BUB3: variants seen among roughly 807,000 people sequenced by gnomAD.
BUB3 encodes BUB3 mitotic checkpoint protein.
BUB3 carries 22 observed loss-of-function variants against 39.9 expected under a neutral mutation model. The observed-to-expected ratio is 0.55, with a 90% CI of 0.39 to 0.79. The LOEUF (loss-of-function observed/expected upper bound fraction) is 0.79, where lower values mean the gene tolerates loss of function less well. Among genes scored for constraint, BUB3 ranks in the 30% least tolerant of loss-of-function variants. The pLI, the probability that BUB3 is intolerant of heterozygous loss-of-function variation, is 0.00. For synonymous variants in BUB3, 168 were observed against 155.1 expected (o/e 1.08, Z -0.62); for missense variants, 303 against 415.4 (o/e 0.73, Z 2.35).
In BUB3 at chr10:123,165,390, A is replaced by G. The variant is rs1844477206; in HGVS notation, c.*1555A>G. On this transcript the variant is annotated 3_prime_UTR_variant, in exon 8 of 8. Coordinates refer to ENST00000368865, the MANE Select transcript of BUB3 (RefSeq NM_004725.4). The stretch of plus-strand genomic sequence containing the variant: ...ATGTTGGATGTTTTTGAATGTTGGT[A>G]ATTAATATAATTTACTTAAAAAGGC... 1 of 225,346 alleles carries G rather than the reference A, an allele frequency of 4.4e-6. No homozygotes were observed. Among genetic ancestry groups the G allele is most frequent in the African/African-American group, 2.3e-5 (1 of 44,182 alleles). 14.0% of individuals were successfully genotyped at this position (225,346 alleles called of 1,614,324 possible). A position where few individuals can be genotyped will look rare whatever the true frequency, so the allele number is the denominator to read the frequency against.
chr10:123,155,025 C>T lies in BUB3; in HGVS notation c.108C>T (p.Asp36=). ...TSQFLLVSSW[D]TSVRLYDVPA... The stretch of plus-strand genomic sequence containing the variant: ...AGTTCCTGCTTGTCTCCTCCTGGGA[C>T]ACGTCCGTGCGTCTCTACGATGTGC... The change falls in exon 2 of 8, where the codon GAC becomes GAT. Residue 36 remains aspartate, a synonymous_variant. Coordinates refer to ENST00000368865, the MANE Select transcript of BUB3 (RefSeq NM_004725.4). 6.2e-7 allele frequency: 1 copy of T among 1,614,204 alleles called. No homozygotes were observed. Among genetic ancestry groups the T allele is most frequent in the Non-Finnish European group, 8.5e-7 (1 of 1,180,036 alleles).
In BUB3 at chr10:123,165,017, A is replaced by G; in HGVS notation, c.*1182A>G. On this transcript the variant is annotated 3_prime_UTR_variant, in exon 8 of 8. Transcript: ENST00000368865. ...GAAAACTTGGTGTAAGTCTGAACCCATCTTTTGAAATGTATTTTCTTCATT... is the reference window on the plus strand; with the variant it reads ...GAAAACTTGGTGTAAGTCTGAACCCGTCTTTTGAAATGTATTTTCTTCATT... 2 of 1,612,066 alleles carry G rather than the reference A, an allele frequency of 1.2e-6. No individual in the cohort carries two copies. The highest frequency in any genetic ancestry group is 1.1e-5 in the South Asian group (1 of 90,888).
At position 123,166,832 on chromosome 10, in the gene BUB3, T is replaced by G. The variant is rs1292610612; in HGVS notation, c.*2997T>G. On this transcript the variant is annotated 3_prime_UTR_variant, in exon 8 of 8. Coordinates refer to ENST00000368865, the MANE Select transcript of BUB3 (RefSeq NM_004725.4). ...GTTCTGTTGTGTAAAAACTTAAAGG[T>G]ATATTAGCAGGTTAGCCTTTGTTCT... The G allele has an allele frequency of 6.6e-6, 1 of 152,208 alleles. No individual in the cohort carries two copies. The highest frequency in any genetic ancestry group is 1.5e-5 in the Non-Finnish European group (1 of 68,036). 9.4% of individuals were successfully genotyped at this position (152,208 alleles called of 1,614,324 possible). A position where few individuals can be genotyped will look rare whatever the true frequency, so the allele number is the denominator to read the frequency against.
intron 3 of BUB3, 75 bp from the exon 4 acceptor site, chr10:123,157,654 T>C: frequency 6.9e-7 from 1 of 1,447,906 alleles, no homozygotes; most frequent in Non-Finnish European, 9.2e-7. Context: ...TTCTTTTAAT[T>C]GTTTATTTTA....
Position 123,155,738 on chromosome 10 carries a change from C to T in BUB3, c.265+11C>T, listed in dbSNP as rs1844341398. 1.2e-6 allele frequency: 2 copies of T among 1,611,512 alleles called. No individual in the cohort carries two copies. Among genetic ancestry groups the T allele is most frequent in the Non-Finnish European group, 1.7e-6 (2 of 1,177,694 alleles). Reference sequence around the variant, plus strand: ...TGAACACTGATCAAGGTAATGTGACCATATCTTTACCAGTTTGTTTTCTTG... The same window carrying T: ...TGAACACTGATCAAGGTAATGTGACTATATCTTTACCAGTTTGTTTTCTTG... On this transcript the variant is annotated intron_variant, in intron 3 of 7. Coordinates refer to ENST00000368865, the MANE Select transcript of BUB3 (RefSeq NM_004725.4).
chr10:123,163,595 A>T (rs1844451843), intron 7 of BUB3, among the ~76,000 whole-genome samples: 1 of 152,258 alleles, frequency 6.6e-6, no homozygotes, highest in South Asian at 2.1e-4. Flanking sequence ...GCTGAGTTAA[A>T]ATGGATATGG....
At chr10:123,154,619 C>T (rs777398535) in intron 1 of BUB3, 134 bp downstream of exon 1, 2 of 325,908 alleles carry the variant, frequency 6.1e-6, no homozygotes, top group South Asian at 7.0e-5. Context: ...TAGGAGTGCC[C>T]GGGGCGACGG....
Position 123,162,260 on chromosome 10 carries a change from G to T in BUB3, c.601G>T (p.Gly201Cys), listed in dbSNP as rs1844434079. ...KQGYVLSSIE[G>C]RVAVEYLDPS... ...GGGTTATGTATTAAGCTCTATTGAA[G>T]GCCGAGTGGCAGTTGAGTATTTGGA... Residue 201 changes from glycine (G) to cysteine (C), a missense_variant, in exon 6 of 8, where the codon GGC (glycine) becomes TGC (cysteine). Physicochemically the swap from Gly to Cys is radical, Grantham distance 159. Coordinates refer to ENST00000368865, the MANE Select transcript of BUB3 (RefSeq NM_004725.4). 1 of 1,613,910 alleles carries T rather than the reference G, an allele frequency of 6.2e-7. No homozygotes were observed. Among genetic ancestry groups the T allele is most frequent in the Admixed American group, 1.7e-5 (1 of 59,980 alleles).
intron 4 of BUB3, among the ~76,000 whole-genome samples, chr10:123,159,196 C>T (rs1459948891): frequency 2.0e-5 from 3 of 151,650 alleles, no homozygotes; most frequent in African/African-American, 7.3e-5. Context: ...CTTATTTTTC[C>T]CTTGGTCACA....
At position 123,166,672 on chromosome 10, in the gene BUB3, G is replaced by A. The variant is rs142679037; in HGVS notation, c.*2837G>A. Reference sequence around the variant, plus strand: ...CCCTTCAGTGATTTCATAAGGAGGTGTGCTGCTTCCCAAGCTTCTAGATCA... The same window carrying A: ...CCCTTCAGTGATTTCATAAGGAGGTATGCTGCTTCCCAAGCTTCTAGATCA... On this transcript the variant is annotated 3_prime_UTR_variant, in exon 8 of 8. Transcript: ENST00000368865. 2.0e-3 allele frequency: 305 copies of A among 152,300 alleles called. No homozygotes were observed. Among genetic ancestry groups the A allele is most frequent in the African/African-American group, 7.1e-3 (295 of 41,556 alleles). 9.4% of individuals were successfully genotyped at this position (152,300 alleles called of 1,614,324 possible). A position where few individuals can be genotyped will look rare whatever the true frequency, so the allele number is the denominator to read the frequency against.
rs746320970 is a variant in BUB3 at position 123,164,109 on chromosome 10, TTGA to T, written c.*279_*281del. ...GCAGTTTTGAGAATCAGTTTTGACC[TTGA>T]TGATTTTTTGTTTCCACTGTGGAAA... On this transcript the variant is annotated 3_prime_UTR_variant, in exon 8 of 8. Transcript: ENST00000368865. 13 of 1,132,606 alleles carry T rather than the reference TTGA, an allele frequency of 1.1e-5. No homozygotes were observed. The highest frequency in any genetic ancestry group is 1.4e-5 in the Non-Finnish European group (13 of 926,346). 70.2% of individuals were successfully genotyped at this position (1,132,606 alleles called of 1,614,324 possible).
At position 123,170,118 on chromosome 10, in the gene BUB3, A is replaced by G. The variant is rs1423343517; in HGVS notation, c.*6283A>G. 2 of 152,204 alleles carry G rather than the reference A, an allele frequency of 1.3e-5. No homozygotes were observed. Among genetic ancestry groups the G allele is most frequent in the African/African-American group, 2.4e-5 (1 of 41,448 alleles). The allele number at this position is 152,204 out of a possible 1,614,324, so 9.4% of individuals were successfully genotyped here. A position where few individuals can be genotyped will look rare whatever the true frequency, so the allele number is the denominator to read the frequency against. The stretch of plus-strand genomic sequence containing the variant: ...CATCTGTAAAATGAAGAGAATACCT[A>G]GCTCATGGAGTTAGGAACAAGTATG... On this transcript the variant is annotated 3_prime_UTR_variant, in exon 8 of 8. Coordinates refer to ENST00000368865, the MANE Select transcript of BUB3 (RefSeq NM_004725.4).
Position 123,160,546 on chromosome 10 carries a change from G to A in BUB3, c.557G>A (p.Arg186Gln). The change falls in exon 5 of 8, where the codon CGA (arginine) becomes CAA (glutamine). Residue 186 changes from arginine to glutamine, a missense_variant. Coordinates refer to ENST00000368865, the MANE Select transcript of BUB3 (RefSeq NM_004725.4). ...CTGAAATACCAGACTCGCTGCATAC[G>A]AGCGTTTCCAAACAAGCAGGTATTG... ...SSLKYQTRCI[R>Q]AFPNKQGYVL... is the part of the protein sequence containing the mutation. 3 of 1,602,104 alleles carry A rather than the reference G, an allele frequency of 1.9e-6. No homozygotes were observed. Among genetic ancestry groups the A allele is most frequent in the Non-Finnish European group, 1.7e-6 (2 of 1,176,484 alleles).
Position 123,162,417 on chromosome 10 carries a change from A to G in BUB3, c.754+4A>G. On this transcript the variant is annotated splice_donor_region_variant and intron_variant, in intron 6 of 7. Transcript: ENST00000368865. The stretch of plus-strand genomic sequence containing the variant: ...ATCCACAATACATTTGCCACAGGTA[A>G]AGTATGGCATGCTGACCTATATTTA... 10 of 1,613,012 alleles carry G rather than the reference A, an allele frequency of 6.2e-6. No homozygotes were observed. The highest frequency in any genetic ancestry group is 8.5e-6 in the Non-Finnish European group (10 of 1,179,412).
Position 123,164,475 on chromosome 10 carries a change from A to T in BUB3, c.*640A>T. 1.0e-6 allele frequency: 1 copy of T among 985,694 alleles called. No homozygotes were observed. Among genetic ancestry groups the T allele is most frequent in the African/African-American group, 1.7e-5 (1 of 57,370 alleles). 61.1% of individuals were successfully genotyped at this position (985,694 alleles called of 1,614,324 possible). A position where few individuals can be genotyped will look rare whatever the true frequency, so the allele number is the denominator to read the frequency against. On this transcript the variant is annotated 3_prime_UTR_variant, in exon 8 of 8. Coordinates refer to ENST00000368865, the MANE Select transcript of BUB3 (RefSeq NM_004725.4). The stretch of plus-strand genomic sequence containing the variant: ...CCTCCTAATATCATTTTGTGACTGT[A>T]AACAATTATTTATTAGCAAACAATT...
chr10:123,160,057 A>AT (rs952868695), intron 4 of BUB3, among the ~76,000 whole-genome samples: 12 of 151,732 alleles, frequency 7.9e-5, no homozygotes, highest in East Asian at 1.9e-4. Context: ...TCATTTTTGA[A>AT]TTTTTTTTTA....
In BUB3 at chr10:123,163,850, C is replaced by G. The variant is rs1844454391; in HGVS notation, c.*15C>G. On this transcript the variant is annotated 3_prime_UTR_variant, in exon 8 of 8. Transcript: ENST00000368865. ...CATGTACTTGACAAGATTTCATTTA[C>G]TTAAGTGCCATGTTGATGATAATAA... 1.2e-6 allele frequency: 2 copies of G among 1,604,658 alleles called. No individual in the cohort carries two copies. Among genetic ancestry groups the G allele is most frequent in the African/African-American group, 2.7e-5 (2 of 74,536 alleles).
chr10:123,164,011 A>G lies in BUB3; in HGVS notation c.*176A>G, dbSNP rs1274730525. 6.8e-6 allele frequency: 9 copies of G among 1,321,616 alleles called. No individual in the cohort carries two copies. In the East Asian group the frequency reaches 2.7e-4, roughly 40 times the overall value. The allele number at this position is 1,321,616 out of a possible 1,614,324, so 81.9% of individuals were successfully genotyped here. On this transcript the variant is annotated 3_prime_UTR_variant, in exon 8 of 8. Coordinates refer to ENST00000368865, the MANE Select transcript of BUB3 (RefSeq NM_004725.4). ...TTTTTTTTTAAATAAACACCTTCTTAAGTGCATGAGATGGTTTGATGGTTT... is the reference window on the plus strand; with the variant it reads ...TTTTTTTTTAAATAAACACCTTCTTGAGTGCATGAGATGGTTTGATGGTTT...
Position 123,166,909 on chromosome 10 carries a change from G to A in BUB3, c.*3074G>A, listed in dbSNP as rs1187617482. 6.6e-6 allele frequency: 1 copy of A among 152,194 alleles called. No homozygotes were observed. Among genetic ancestry groups the A allele is most frequent in the Non-Finnish European group, 1.5e-5 (1 of 68,046 alleles). The allele number at this position is 152,194 out of a possible 1,614,324, so 9.4% of individuals were successfully genotyped here. ...GACCAAGGCCAGAATGCCCAGTTTA[G>A]CCTTAGCATTCAAACCCTTCATTGT... On this transcript the variant is annotated 3_prime_UTR_variant, in exon 8 of 8. Coordinates refer to ENST00000368865, the MANE Select transcript of BUB3 (RefSeq NM_004725.4).
Sources: allele counts gnomAD v4.1 joint callset (sites outside exome capture counted in the v4.1 genomes callset), GRCh38; gene constraint gnomAD v4.1.1; transcripts MANE v1.5; gene names NCBI Gene and HGNC (gene_info 2026-07-23, HGNC 2026-07-21).